Variants in PLOD2 observed in about 807,000 individuals in gnomAD.
The protein encoded by PLOD2 is procollagen-lysine,2-oxoglutarate 5-dioxygenase 2.
In PLOD2, 65 loss-of-function variants were observed where a neutral mutation model predicts 101.0. The observed-to-expected ratio is 0.64, with a 90% confidence interval of 0.53 to 0.79. The LOEUF is 0.79. Among genes scored for constraint, PLOD2 ranks in the 30% least tolerant of loss-of-function variants. The pLI, the probability that PLOD2 is intolerant of heterozygous loss-of-function variation, is 0.00. For missense variants in PLOD2, 909 were observed against 914.6 expected (o/e 0.99, Z 0.08); for synonymous variants, 314 against 302.9 (o/e 1.04, Z -0.38).
chr3:146,133,397 T>TA (rs2031040694), intron 1 of PLOD2, among the ~76,000 whole-genome samples: 1 of 152,114 alleles, frequency 6.6e-6, no homozygotes, highest in Non-Finnish European at 1.5e-5. Flanking sequence ...ATATGAACCA[T>TA]ATAATTTTTC....
rs370720856 is a variant in PLOD2, at chr3:146,136,104, G to A, written c.110-11875C>T. 7.2e-5 allele frequency among the ~76,000 whole-genome samples: 11 copies of A among 151,756 alleles called. No individual in the cohort carries two copies. The South Asian group carries it at 8.3e-4, about 11-fold the overall frequency. On this transcript the variant is annotated intron_variant, in intron 1 of 19. Transcript: ENST00000282903. ...TATTTTTCTATGACTTTTTAAAATC[G>A]GCCATTAATTCTTACATCTTCTGGG...
At chr3:146,086,753 T>G (rs1419673284) in intron 10 of PLOD2, 34 bp downstream of exon 10, 5 of 1,306,966 alleles carry the variant, frequency 3.8e-6, no homozygotes, top group Non-Finnish European at 5.2e-6. Flanking sequence ...CTTAGTAAAA[T>G]AATTTAATTT....
At chr3:146,159,403 AAGTT>A (rs1217573895) in intron 1 of PLOD2, among the ~76,000 whole-genome samples, 1 of 152,232 alleles carries the variant, frequency 6.6e-6, no homozygotes, top group African/African-American at 2.4e-5. Context: ...CTCTATTAAA[AAGTT>A]AGGGGTGTTG....
At chr3:146,154,296 T>C (rs1438256547) in intron 1 of PLOD2, among the ~76,000 whole-genome samples, 1 of 152,204 alleles carries the variant, frequency 6.6e-6, no homozygotes, top group African/African-American at 2.4e-5. Context: ...TTTAAACTTC[T>C]GGTGTAGATT....
chr3:146,071,888 C>T (rs575168576), intron 17 of PLOD2, among the ~76,000 whole-genome samples: 2 of 151,782 alleles, frequency 1.3e-5, no homozygotes, highest in South Asian at 4.1e-4. Context: ...TGAATGATTG[C>T]TTTTCATTAT....
chr3:146,094,606 C>T (rs1937084235), intron 7 of PLOD2, among the ~76,000 whole-genome samples: 1 of 152,088 alleles, frequency 6.6e-6, no homozygotes, highest in Admixed American at 6.5e-5. Flanking sequence ...AATGGAAAAA[C>T]ATTCCATGCT....
At chr3:146,148,350 A>G (rs1487478185) in intron 1 of PLOD2, among the ~76,000 whole-genome samples, 5 of 151,774 alleles carry the variant, frequency 3.3e-5, no homozygotes, top group Non-Finnish European at 7.4e-5. Context: ...ACACACACAC[A>G]CACACACACA....
At chr3:146,088,781 G>T in intron 8 of PLOD2, 70 bp from the exon 9 acceptor site, 2 of 1,253,208 alleles carry the variant, frequency 1.6e-6, no homozygotes, top group East Asian at 2.4e-5. Flanking sequence ...TTATTCAAAT[G>T]TTAATCAGCA....
At position 146,110,014 on chromosome 3, in the gene PLOD2, T is replaced by G. The variant is rs192172366; in HGVS notation, c.502+271A>C. 1.8e-3 allele frequency among the ~76,000 whole-genome samples: 277 copies of G among 152,286 alleles called. 2 individuals carry two copies. Among genetic ancestry groups the G allele is most frequent in the African/African-American group, 6.4e-3 (266 of 41,578 alleles). On this transcript the variant is annotated intron_variant, in intron 4 of 19. Transcript: ENST00000282903. ...TAAAGGAACTGGATCCATACTTTTCTTCCTTTAACAACAGAATATCTCTAG... is the reference window on the plus strand; with the variant it reads ...TAAAGGAACTGGATCCATACTTTTCGTCCTTTAACAACAGAATATCTCTAG...
rs1936442369 is a variant in PLOD2, at chr3:146,079,125, A to G, written c.1491T>C (p.Ala497=). The part of the protein sequence containing the change: ...LDPDMALCRN[A]REMTLQREKD... ...TCACTGCATATCTTACCATTTCTCT[A>G]GCATTTCGGCAAAGAGCCATATCAG... is the stretch of plus-strand genomic sequence containing the variant. The change falls in exon 13 of 20, where the codon GCT becomes GCC. Residue 497 remains alanine (A), a synonymous_variant. Transcript: ENST00000282903. 1 of 1,612,576 alleles carries G rather than the reference A, an allele frequency of 6.2e-7. No individual in the cohort carries two copies. Among genetic ancestry groups the G allele is most frequent in the African/African-American group, 1.3e-5 (1 of 74,866 alleles).
In PLOD2 at chr3:146,069,901, G is replaced by A. The variant is rs1218924954; in HGVS notation, c.*816C>T. ...CTATTTTCTAGAACTTTCTAAAAAAGGAAACAAAGCAAAAACAACAACAAA... is the reference window on the plus strand; with the variant it reads ...CTATTTTCTAGAACTTTCTAAAAAAAGAAACAAAGCAAAAACAACAACAAA... On this transcript the variant is annotated 3_prime_UTR_variant, in exon 20 of 20. Coordinates refer to ENST00000282903, the MANE Select transcript of PLOD2 (RefSeq NM_182943.3). 6.6e-6 allele frequency: 1 copy of A among 151,964 alleles called. No homozygotes were observed. The highest frequency in any genetic ancestry group is 1.5e-5 in the Non-Finnish European group (1 of 67,820). 9.4% of individuals were successfully genotyped at this position (151,964 alleles called of 1,614,324 possible). A position where few individuals can be genotyped will look rare whatever the true frequency, so the allele number is the denominator to read the frequency against.
chr3:146,116,053 T>C (rs1417157902), intron 3 of PLOD2, among the ~76,000 whole-genome samples: 2 of 152,212 alleles, frequency 1.3e-5, no homozygotes, highest in African/African-American at 4.8e-5. Flanking sequence ...TTTATCATTA[T>C]TGGCATAAAC....
intron 6 of PLOD2, among the ~76,000 whole-genome samples, chr3:146,103,409 T>C (rs1363037444): frequency 6.6e-6 from 1 of 151,840 alleles, no homozygotes; most frequent in Non-Finnish European, 1.5e-5. Context: ...AGCAGAGCCA[T>C]CGTCTTAAAA....
At chr3:146,086,001 T>C (rs1212208734) in intron 10 of PLOD2, 5 of 152,186 alleles carry the variant, frequency 3.3e-5, no homozygotes, top group Non-Finnish European at 7.3e-5. Context: ...AGAAAATATG[T>C]TCTGAATGTG....
At chr3:146,094,126 G>A (rs775627573) in intron 7 of PLOD2, among the ~76,000 whole-genome samples, 6 of 152,126 alleles carry the variant, frequency 3.9e-5, no homozygotes, top group Non-Finnish European at 8.8e-5. Context: ...TGGGCTACTA[G>A]GTGATAGTAT....
At position 146,071,176 on chromosome 3, in the gene PLOD2, G is replaced by T. The variant is rs1270815625; in HGVS notation, c.1996-9C>A. On this transcript the variant is annotated splice_polypyrimidine_tract_variant and intron_variant, in intron 18 of 19. Transcript: ENST00000282903. The stretch of plus-strand genomic sequence containing the variant: ...TTCAGTAGTGCAAATCCCTGAAAAA[G>T]CAAAGTAAGCCAGTGGATTTGCTTA... 1 of 1,610,990 alleles carries T rather than the reference G, an allele frequency of 6.2e-7. No homozygotes were observed. Among genetic ancestry groups the T allele is most frequent in the Admixed American group, 1.7e-5 (1 of 59,680 alleles).
intron 7 of PLOD2, among the ~76,000 whole-genome samples, chr3:146,102,257 C>A (rs910009037): frequency 3.9e-5 from 6 of 152,138 alleles, no homozygotes; most frequent in African/African-American, 1.4e-4. Flanking sequence ...CTCAATTATA[C>A]ACATTTGAAA....
intron 3 of PLOD2, among the ~76,000 whole-genome samples, chr3:146,112,546 C>A (rs1327762947): frequency 6.6e-6 from 1 of 151,804 alleles, no homozygotes; most frequent in African/African-American, 2.4e-5. Flanking sequence ...ATACCTAATT[C>A]ATGCAGGGCT....
At chr3:146,097,169 G>A (rs1291706157) in intron 7 of PLOD2, among the ~76,000 whole-genome samples, 60 of 151,158 alleles carry the variant, frequency 4.0e-4, no homozygotes, top group Non-Finnish European at 4.7e-4. Flanking sequence ...CAGTCCGGGA[G>A]GGAGGTGGGG....
Sources: gnomAD v4.1 joint callset for allele counts (sites outside exome capture counted in the v4.1 genomes callset) on GRCh38, gnomAD v4.1.1 for gene constraint, MANE v1.5 for transcripts, NCBI Gene and HGNC (gene_info 2026-07-23, HGNC 2026-07-21) for gene names.